BCOR: variants seen among roughly 807,000 people sequenced by gnomAD.
BCOR encodes BCL-6 corepressor.
In BCOR, 10 loss-of-function variants were observed where a neutral mutation model predicts 86.7. The observed-to-expected ratio is 0.12, with a 90% CI of 0.07 to 0.20. The LOEUF (loss-of-function observed/expected upper bound fraction) is 0.20. Ranked by LOEUF, BCOR falls within the 10% of genes least tolerant of loss-of-function variation. The probability of loss-of-function intolerance (pLI) is 1.00; values close to 1 mark genes in which losing one functional copy is unlikely to be tolerated. For missense variants in BCOR, 1,259 were observed against 1,452.1 expected, an observed-to-expected ratio of 0.87 and a Z score of 2.16; for synonymous variants, 611 against 609.0, an observed-to-expected ratio of 1.00 and a Z score of -0.05.
intron 1 of BCOR, among the ~76,000 whole-genome samples, chrX:40,094,846 G>C (rs916521583): frequency 2.5e-4 from 28 of 113,457 alleles, no homozygotes; most frequent in African/African-American, 8.6e-4. Context: ...CGGCCTGTGT[G>C]GGAGGCGGAG....
At chrX:40,083,576 G>A (rs1936211421) in intron 1 of BCOR, among the ~76,000 whole-genome samples, 2 of 111,739 alleles carry the variant, frequency 1.8e-5, no homozygotes, top group African/African-American at 6.5e-5. Context: ...CCCCGGCGAA[G>A]AAGAAAGGGG....
In BCOR at chrX:40,052,306, T is replaced by C. The variant is rs1409439985; in HGVS notation, c.5071A>G (p.Thr1691Ala). The change falls in exon 15 of 15, where the codon ACC (threonine) becomes GCC (alanine). Residue 1691 changes from threonine to alanine, a missense_variant. Coordinates refer to ENST00000378444, the MANE Select transcript of BCOR (RefSeq NM_001123385.2). ...CGATAAAATTCTGCCTCTGCAATGG[T>C]GACAATTTCCACGTTTGGAAAATTG... ...RCNFPNVEIV[T>A]IAEAEFYRQV... 8.3e-7 allele frequency: 1 copy of C among 1,210,510 alleles called. No individual in the cohort carries two copies. The highest frequency in any genetic ancestry group is 1.1e-6 in the Non-Finnish European group (1 of 895,294).
intron 1 of BCOR, among the ~76,000 whole-genome samples, chrX:40,109,152 C>T (rs1937250643): frequency 3.6e-5 from 4 of 112,066 alleles, no homozygotes; most frequent in Non-Finnish European, 5.7e-5. Flanking sequence ...GCCAAGAGGC[C>T]CGGAGCCGCA....
chrX:40,146,057 C>A (rs990090286), intron 1 of BCOR, among the ~76,000 whole-genome samples: 1 of 112,449 alleles, frequency 8.9e-6, no homozygotes. Flanking sequence ...AGCGTAGGAA[C>A]AATTCCCCAC....
At chrX:40,080,370 G>A (rs765053442) in intron 1 of BCOR, among the ~76,000 whole-genome samples, 101 of 111,060 alleles carry the variant, frequency 9.1e-4, no homozygotes, top group African/African-American at 2.8e-3. Flanking sequence ...GAACCTGGGA[G>A]GTGGAGGTTG....
chrX:40,158,156 C>A (rs1230614914), intron 1 of BCOR, among the ~76,000 whole-genome samples: 1 of 112,408 alleles, frequency 8.9e-6, no homozygotes, highest in African/African-American at 3.2e-5. Flanking sequence ...CCAGCCGGGG[C>A]CCGTCCAGGT....
At chrX:40,084,710 C>G (rs752472563) in intron 1 of BCOR, among the ~76,000 whole-genome samples, 26 of 98,829 alleles carry the variant, frequency 2.6e-4, no homozygotes, top group Admixed American at 6.1e-4. Context: ...GCCACCCCCC[C>G]CCACCACCAC....
chrX:40,071,034 G>A lies in BCOR; in HGVS notation c.3177C>T (p.Asp1059=). ...ADWERLKGNQ[D]KKPKSVTLEE... is the part of the protein sequence containing the mutation. Reference sequence around the variant, plus strand: ...CCAGGGTGACCGACTTTGGCTTTTTGTCCTGATTTCCTTTCAACCTTTCCC... The same window carrying A: ...CCAGGGTGACCGACTTTGGCTTTTTATCCTGATTTCCTTTCAACCTTTCCC... The change falls in exon 6 of 15, where the codon GAC becomes GAT. Residue 1059 remains aspartate (D), a synonymous_variant. Coordinates refer to ENST00000378444, the MANE Select transcript of BCOR (RefSeq NM_001123385.2). The A allele has an allele frequency of 8.3e-7, 1 of 1,211,632 alleles. No individual in the cohort carries two copies. Among genetic ancestry groups the A allele is most frequent in the East Asian group, 3.0e-5 (1 of 33,858 alleles).
At position 40,072,958 on chromosome X, in the gene BCOR, A is replaced by C; in HGVS notation, c.2388T>G (p.Thr796=). ...AGACAAGCTTGTCGCTTTTGACAAC[A>C]GTCTTCCCTTGATTCCAGTTGGGGT... is the stretch of plus-strand genomic sequence containing the variant. ...KPNPNWNQGK[T]VVKSDKLVYV... Residue 796 remains threonine, a synonymous_variant, in exon 4 of 15, where the codon ACT becomes ACG. Coordinates refer to ENST00000378444, the MANE Select transcript of BCOR (RefSeq NM_001123385.2). The C allele has an allele frequency of 8.3e-7, 1 of 1,211,457 alleles. No homozygotes were observed.
chrX:40,172,666 C>A (rs1052106571), intron 1 of BCOR, among the ~76,000 whole-genome samples: 1 of 113,247 alleles, frequency 8.8e-6, no homozygotes. Context: ...GCTCTCCAGT[C>A]CTGGGCCGTG....
chrX:40,098,596 A>G (rs1294160772), upstream of BCOR, among the ~76,000 whole-genome samples: 1 of 110,328 alleles, frequency 9.1e-6, no homozygotes, highest in Non-Finnish European at 1.9e-5. Flanking sequence ...GTCAAACCCC[A>G]GCGGCAGCAG....
At chrX:40,128,854 G>A (rs1315053363) in intron 1 of BCOR, among the ~76,000 whole-genome samples, 2 of 111,687 alleles carry the variant, frequency 1.8e-5, no homozygotes, top group African/African-American at 6.5e-5. Context: ...CAGGCGTGCA[G>A]ATGTCTATTA....
At chrX:40,059,942 T>C (rs1307421264) in intron 10 of BCOR, among the ~76,000 whole-genome samples, 1 of 112,649 alleles carries the variant, frequency 8.9e-6, no homozygotes, top group Admixed American at 9.4e-5. Context: ...TCAGGTGGTC[T>C]ATTACAGATC....
At chrX:40,077,440 T>C (rs1935864357) in intron 2 of BCOR, 1 of 180,372 alleles carries the variant, frequency 5.5e-6, no homozygotes, top group Admixed American at 7.3e-5. Flanking sequence ...CAATGAGAGA[T>C]CCTGGGCTTC....
chrX:40,109,728 G>A (rs1212810279), intron 1 of BCOR, among the ~76,000 whole-genome samples: 1 of 113,107 alleles, frequency 8.8e-6, no homozygotes, highest in Non-Finnish European at 1.9e-5. Context: ...CGGAGGGCGT[G>A]GGGGGCGGGG....
At chrX:40,084,694 G>A (rs981484396) in intron 1 of BCOR, among the ~76,000 whole-genome samples, 4 of 103,832 alleles carry the variant, frequency 3.9e-5, no homozygotes, top group South Asian at 8.3e-4. Context: ...CACAAACGCC[G>A]TCGCCGCCAC....
intron 1 of BCOR, among the ~76,000 whole-genome samples, chrX:40,115,766 G>C (rs1937384122): frequency 9.9e-6 from 1 of 100,541 alleles, no homozygotes; most frequent in Admixed American, 1.1e-4. Flanking sequence ...GACAGAGTGT[G>C]ACTGTGTCTC....
intron 1 of BCOR, among the ~76,000 whole-genome samples, chrX:40,108,973 G>A (rs904398487): frequency 8.8e-6 from 1 of 112,995 alleles, no homozygotes; most frequent in Non-Finnish European, 1.9e-5. Flanking sequence ...GCCGACTGGA[G>A]ACGGCTCCCG....
chrX:40,062,337 T>C lies in BCOR; in HGVS notation c.4230A>G (p.Ser1410=). ...AGGGCTTTGGCTCCTGCTTGGCTGG[T>C]GACAGATCATAGTCCGAACTGGGCT... The part of the protein sequence containing the change: ...RPEPSSDYDL[S]PAKQEPKPFD... Residue 1410 remains serine, a synonymous_variant, in exon 10 of 15, where the codon TCA becomes TCG. Coordinates refer to ENST00000378444, the MANE Select transcript of BCOR (RefSeq NM_001123385.2). 8.3e-7 allele frequency: 1 copy of C among 1,207,535 alleles called. No individual in the cohort carries two copies. Among genetic ancestry groups the C allele is most frequent in the Non-Finnish European group, 1.1e-6 (1 of 893,669 alleles).
Sources: gnomAD v4.1 joint callset for allele counts (sites outside exome capture counted in the v4.1 genomes callset) on GRCh38, gnomAD v4.1.1 for gene constraint, MANE v1.5 for transcripts, NCBI Gene and HGNC (gene_info 2026-07-23, HGNC 2026-07-21) for gene names.